The following RANBP2 variants were observed in gnomAD, a reference collection of about 807,000 sequenced individuals.
The protein encoded by RANBP2 is RAN binding protein 2.
In RANBP2, 57 loss-of-function variants were observed where a neutral mutation model predicts 303.6. The observed-to-expected ratio is 0.19, with a 90% CI of 0.15 to 0.23. The LOEUF (loss-of-function observed/expected upper bound fraction) is 0.23, where lower values mean the gene tolerates loss of function less well. Among genes scored for constraint, RANBP2 ranks in the 10% least tolerant of loss-of-function variants. The probability of loss-of-function intolerance (pLI) is 1.00; values close to 1 mark genes in which losing one functional copy is unlikely to be tolerated. For missense variants in RANBP2, 3,138 were observed against 3,780.8 expected (o/e 0.83, Z 4.46); for synonymous variants, 1,167 against 1,301.5 (o/e 0.90, Z 2.23).
the RANBP2 span, chr2:109,130,215 G>T: frequency 8.8e-7 from 1 of 1,130,594 alleles, no homozygotes; most frequent in South Asian, 4.1e-5. Flanking sequence ...GACCACGGGT[G>T]GTCCTGCGTT....
the RANBP2 span, among the ~76,000 whole-genome samples, chr2:109,269,919 A>G: frequency 4.6e-5 from 7 of 152,264 alleles, no homozygotes; most frequent in Non-Finnish European, 8.8e-5. Flanking sequence ...CCAGGAAAGC[A>G]AAACGTAACT....
the RANBP2 span, among the ~76,000 whole-genome samples, chr2:109,046,068 G>T: frequency 6.6e-6 from 1 of 152,078 alleles, no homozygotes; most frequent in Non-Finnish European, 1.5e-5. Flanking sequence ...ACTTTGGGAG[G>T]CCGAGGTGGG....
chr2:108,719,979 G>C, intron 1 of RANBP2: 7 of 985,000 alleles, frequency 7.1e-6, no homozygotes, highest in Non-Finnish European at 8.4e-6. Context: ...CTGGCCGATC[G>C]CGCACCCCGT....
chr2:108,752,586 AC>A (rs1294426810), intron 12 of RANBP2, among the ~76,000 whole-genome samples: 1 of 147,282 alleles, frequency 6.8e-6, no homozygotes, highest in Non-Finnish European at 1.5e-5. Flanking sequence ...TTCCTGGCTA[AC>A]ACGGTGAAAC....
chr2:109,358,041 G>A, the RANBP2 span, among the ~76,000 whole-genome samples: 1 of 152,106 alleles, frequency 6.6e-6, no homozygotes, highest in Non-Finnish European at 1.5e-5. Flanking sequence ...CCTCTGACCT[G>A]TCTATCCATC....
At chr2:109,290,128 A>T in the RANBP2 span, among the ~76,000 whole-genome samples, 1 of 152,162 alleles carries the variant, frequency 6.6e-6, no homozygotes, top group Admixed American at 6.5e-5. Context: ...ATTACCACAG[A>T]TATAGATGAC....
the RANBP2 span, among the ~76,000 whole-genome samples, chr2:109,126,127 T>G: frequency 4.6e-5 from 7 of 152,368 alleles, no homozygotes; most frequent in Admixed American, 2.6e-4. Context: ...CAAAGCTCAC[T>G]GCAGTCCCCA....
At chr2:109,452,810 G>GCTGGTGCTGGGAGC in the RANBP2 span, among the ~76,000 whole-genome samples, 2 of 150,932 alleles carry the variant, frequency 1.3e-5, no homozygotes, top group African/African-American at 4.9e-5. Context: ...GTGCTGGGAG[G>GCTGGTGCTGGGAGC]CTGGTTCTGG....
the RANBP2 span, among the ~76,000 whole-genome samples, chr2:109,595,924 A>G: frequency 6.6e-6 from 1 of 152,180 alleles, no homozygotes; most frequent in African/African-American, 2.4e-5. Flanking sequence ...GACCTAACAT[A>G]CTACCTGCTT....
chr2:108,976,867 C>T, the RANBP2 span, among the ~76,000 whole-genome samples: 1 of 152,118 alleles, frequency 6.6e-6, no homozygotes, highest in South Asian at 2.1e-4. Flanking sequence ...GCTCCAGGCT[C>T]CTCTTGTATT....
the RANBP2 span, among the ~76,000 whole-genome samples, chr2:109,413,917 C>T: frequency 2.4e-4 from 37 of 151,566 alleles, no homozygotes; most frequent in Admixed American, 7.2e-4. Context: ...AGTGGTCCAG[C>T]AGGGGCAGTC....
chr2:109,615,023 C>T, the RANBP2 span: 2 of 1,546,914 alleles, frequency 1.3e-6, no homozygotes, highest in Non-Finnish European at 1.7e-6. Flanking sequence ...ACCTGGAGCT[C>T]CCGCCACATG....
At chr2:109,606,892 CCCACCCACCTCAG>C in the RANBP2 span, among the ~76,000 whole-genome samples, 1 of 151,870 alleles carries the variant, frequency 6.6e-6, no homozygotes, top group Non-Finnish European at 1.5e-5. Context: ...CCGGAGGTGA[CCCACCCACCTCAG>C]CCTCCCAAAG....
the RANBP2 span, chr2:109,502,309 G>T: frequency 6.6e-6 from 1 of 152,114 alleles, no homozygotes; most frequent in Non-Finnish European, 1.5e-5. Context: ...ATTGTCCCTT[G>T]CATTACTTCT....
At chr2:109,266,405 G>A in the RANBP2 span, among the ~76,000 whole-genome samples, 6 of 152,076 alleles carry the variant, frequency 3.9e-5, no homozygotes, top group African/African-American at 9.7e-5. Context: ...AGTGTCCTCC[G>A]ATACAACAAG....
the RANBP2 span, among the ~76,000 whole-genome samples, chr2:109,561,253 T>C: frequency 6.6e-6 from 1 of 152,112 alleles, no homozygotes; most frequent in Non-Finnish European, 1.5e-5. Flanking sequence ...TGTATATGTC[T>C]TGCTCTGTTT....
the RANBP2 span, among the ~76,000 whole-genome samples, chr2:108,866,986 A>G: frequency 6.6e-6 from 1 of 152,154 alleles, no homozygotes; most frequent in Admixed American, 6.6e-5. Context: ...AGATACATGT[A>G]AACAGATTAT....
At chr2:109,450,460 G>A in the RANBP2 span, among the ~76,000 whole-genome samples, 1 of 152,168 alleles carries the variant, frequency 6.6e-6, no homozygotes, top group Non-Finnish European at 1.5e-5. Context: ...AATCAGTGCT[G>A]TCCAGCAGAA....
chr2:109,629,355 ATTTTTT>A, the RANBP2 span, among the ~76,000 whole-genome samples: 47 of 15,372 alleles, frequency 3.1e-3, no homozygotes, highest in African/African-American at 6.0e-3. Context: ...ATATATATAT[ATTTTTT>A]TTTTTTTTTT....
Sources: allele counts gnomAD v4.1 joint callset (sites outside exome capture counted in the v4.1 genomes callset), GRCh38; gene constraint gnomAD v4.1.1; transcripts MANE v1.5; gene names NCBI Gene and HGNC (gene_info 2026-07-23, HGNC 2026-07-21).